Variants in NTRK3 observed in about 807,000 individuals in gnomAD.
NTRK3 encodes the protein NT-3 growth factor receptor.
Under a neutral mutation model 91.7 loss-of-function variants are expected in NTRK3, and 24 were observed. That is an observed-to-expected ratio of 0.26 (90% CI 0.19 to 0.37). NTRK3 has a LOEUF of 0.37. Ranked by LOEUF, NTRK3 falls within the 10% of genes least tolerant of loss-of-function variation. The pLI is 1.00. For synonymous variants in NTRK3, 483 were observed against 404.0 expected, an observed-to-expected ratio of 1.20 and a Z score of -2.34; for missense variants, 880 against 1,068.9, an observed-to-expected ratio of 0.82 and a Z score of 2.46.
chr15:88,236,514 TAAAAA>T (rs60187446), intron 3 of NTRK3, among the ~76,000 whole-genome samples: 7 of 53,760 alleles, frequency 1.3e-4, no homozygotes, highest in African/African-American at 4.9e-4. Flanking sequence ...CCTCTATTAT[TAAAAA>T]AAAAAAAAAA....
intron 13 of NTRK3, among the ~76,000 whole-genome samples, chr15:88,080,676 C>T (rs951889131): frequency 7.9e-5 from 12 of 152,348 alleles, no homozygotes; most frequent in African/African-American, 2.6e-4. Context: ...TGACGTGGCT[C>T]TTCCAATCTC....
At chr15:88,032,496 GC>G (rs2142011578) in intron 14 of NTRK3, among the ~76,000 whole-genome samples, 1 of 152,234 alleles carries the variant, frequency 6.6e-6, no homozygotes, top group South Asian at 2.1e-4. Flanking sequence ...GAGCTCAGGG[GC>G]TGCTGTCTAA....
At chr15:88,189,723 C>T (rs562093004) in intron 3 of NTRK3, among the ~76,000 whole-genome samples, 3 of 152,132 alleles carry the variant, frequency 2.0e-5, no homozygotes, top group Non-Finnish European at 4.4e-5. Context: ...GGATTACAGG[C>T]GTGAGCCACC....
intron 14 of NTRK3, among the ~76,000 whole-genome samples, chr15:88,009,050 G>A (rs960405462): frequency 6.6e-6 from 1 of 152,180 alleles, no homozygotes; most frequent in Non-Finnish European, 1.5e-5. Context: ...AGTTGAGAAG[G>A]AAGAGATCCC....
At position 88,236,514 on chromosome 15, in the gene NTRK3, TAAAAAA is replaced by T. The variant is rs60187446; in HGVS notation, c.248+19386_248+19391del. 4.6e-3 allele frequency among the ~76,000 whole-genome samples: 249 copies of T among 53,774 alleles called. 3 individuals are homozygous for T. The highest frequency in any genetic ancestry group is 0.017 in the African/African-American group (236 of 14,194). 35.3% of individuals were successfully genotyped at this position (53,774 alleles called of 152,430 possible). A position where few individuals can be genotyped will look rare whatever the true frequency, so the allele number is the denominator to read the frequency against. On this transcript the variant is annotated intron_variant, in intron 3 of 18. Transcript: ENST00000394480. The stretch of plus-strand genomic sequence containing the variant: ...AAAGTGAGACTCCAGCCTCTATTAT[TAAAAAA>T]AAAAAAAAAAAAAAAAAAATTGTAA...
intron 3 of NTRK3, among the ~76,000 whole-genome samples, chr15:88,192,760 T>G (rs1361022694): frequency 6.6e-6 from 1 of 152,052 alleles, no homozygotes; most frequent in Middle Eastern, 3.2e-3. Flanking sequence ...TATTCCCAAC[T>G]GGACCTCCTA....
intron 5 of NTRK3, among the ~76,000 whole-genome samples, chr15:88,181,683 T>A (rs1440966562): frequency 6.6e-6 from 1 of 152,072 alleles, no homozygotes; most frequent in East Asian, 1.9e-4. Flanking sequence ...GCCCATGGAG[T>A]TGAAAGGTCT....
chr15:88,183,691 C>A (rs1367629521), intron 4 of NTRK3, among the ~76,000 whole-genome samples: 2 of 152,180 alleles, frequency 1.3e-5, no homozygotes, highest in South Asian at 2.1e-4. Context: ...CCCAGGGCCC[C>A]GTGAGGCTGG....
rs186983685 is a variant in NTRK3 at position 88,185,787 on chromosome 15, G to A, written c.249-1488C>T. Among the ~76,000 whole-genome samples, 6 of 152,332 alleles carry A rather than the reference G, an allele frequency of 3.9e-5. No homozygotes were observed. In the East Asian group the frequency reaches 9.6e-4, roughly 24 times the overall value. On this transcript the variant is annotated intron_variant, in intron 3 of 18. Transcript: ENST00000394480. ...GCTCTGCCATCTGCCACCAACTCGA[G>A]TCAGAGCCAGCAAGGCAGCAGGACT...
chr15:88,000,305 T>C (rs2076009337), intron 14 of NTRK3, among the ~76,000 whole-genome samples: 1 of 152,224 alleles, frequency 6.6e-6, no homozygotes, highest in South Asian at 2.1e-4. Context: ...CCTCTGAGAA[T>C]TCTCACAATC....
intron 14 of NTRK3, among the ~76,000 whole-genome samples, chr15:87,968,428 G>C (rs142364154): frequency 3.9e-5 from 6 of 152,232 alleles, no homozygotes; most frequent in Non-Finnish European, 8.8e-5. Flanking sequence ...GGTAGAGTAA[G>C]TTAGTGAGGG....
chr15:88,096,920 T>C (rs959289876), intron 13 of NTRK3, among the ~76,000 whole-genome samples: 1 of 152,228 alleles, frequency 6.6e-6, no homozygotes, highest in African/African-American at 2.4e-5. Flanking sequence ...CAAGTCCTTA[T>C]CTCAGAGTTG....
At chr15:88,128,596 T>G in intron 11 of NTRK3, 115 bp downstream of exon 11, 1 of 1,133,342 alleles carries the variant, frequency 8.8e-7, no homozygotes, top group Non-Finnish European at 1.3e-6. Context: ...TCAGATGCCC[T>G]CAGCTGCCAT....
Position 87,883,294 on chromosome 15 carries a change from G to C in NTRK3, c.2134-2866C>G, listed in dbSNP as rs560530290. Among the ~76,000 whole-genome samples, 455 of 147,970 alleles carry C rather than the reference G, an allele frequency of 3.1e-3. 7 individuals carry two copies. Among genetic ancestry groups the C allele is most frequent in the Non-Finnish European group, 2.6e-3 (177 of 66,890 alleles). ...CATAATTAATATTATATTTAAAGCT[G>C]GTAAAATTCACCATTACGATGATGA... On this transcript the variant is annotated intron_variant, in intron 17 of 18. Coordinates refer to ENST00000394480, the Ensembl canonical transcript of NTRK3.
At chr15:87,931,524 T>C (rs1431614292) in intron 16 of NTRK3, among the ~76,000 whole-genome samples, 1 of 152,240 alleles carries the variant, frequency 6.6e-6, no homozygotes, top group Non-Finnish European at 1.5e-5. Context: ...TCGTGTTTTC[T>C]AGGAGAGAAA....
rs141472586 is a variant in NTRK3, at chr15:88,216,025, A to T, written c.249-31726T>A. The stretch of plus-strand genomic sequence containing the variant: ...TATAATTGGAGAAAGCAATTCTCAC[A>T]TTCATTAGGTTGTCATAAGACTTGA... On this transcript the variant is annotated intron_variant, in intron 3 of 18. Coordinates refer to ENST00000394480, the Ensembl canonical transcript of NTRK3. Among the ~76,000 whole-genome samples, 86 of 152,288 alleles carry T rather than the reference A, an allele frequency of 5.6e-4. No individual in the cohort carries two copies. In the East Asian group the frequency reaches 0.014, roughly 25 times the overall value.
At chr15:88,052,294 G>A (rs545988723) in intron 13 of NTRK3, among the ~76,000 whole-genome samples, 40 of 152,286 alleles carry the variant, frequency 2.6e-4, no homozygotes, top group Non-Finnish European at 4.4e-4. Flanking sequence ...ACATCAGCAT[G>A]GCTGCCATTT....
At chr15:87,991,951 C>G (rs920337658) in intron 14 of NTRK3, among the ~76,000 whole-genome samples, 2 of 151,304 alleles carry the variant, frequency 1.3e-5, no homozygotes, top group Non-Finnish European at 2.9e-5. Context: ...GCACCCAGGT[C>G]AGTATCTGGC....
At chr15:88,088,537 C>T (rs556711177) in intron 13 of NTRK3, among the ~76,000 whole-genome samples, 1 of 152,134 alleles carries the variant, frequency 6.6e-6, no homozygotes, top group African/African-American at 2.4e-5. Context: ...CATGTTGTAA[C>T]AGTAATGTAA....
Sources: allele counts gnomAD v4.1 joint callset (sites outside exome capture counted in the v4.1 genomes callset), GRCh38; gene constraint gnomAD v4.1.1; transcripts MANE v1.5; gene names NCBI Gene and HGNC (gene_info 2026-07-23, HGNC 2026-07-21).